LMTK3: variants seen among roughly 807,000 people sequenced by gnomAD.
The protein encoded by LMTK3 is serine/threonine-protein kinase LMTK3.
In LMTK3, 27 loss-of-function variants were observed where a neutral mutation model predicts 116.7. The observed-to-expected ratio is 0.23, with a 90% confidence interval of 0.17 to 0.32. The LOEUF (loss-of-function observed/expected upper bound fraction) is 0.32, where lower values mean the gene tolerates loss of function less well. Among genes scored for constraint, LMTK3 ranks in the 10% least tolerant of loss-of-function variants. LMTK3 has a pLI of 1.00. For missense variants in LMTK3, 1,764 were observed against 2,068.5 expected (o/e 0.85, Z 2.86); for synonymous variants, 965 against 971.0 (o/e 0.99, Z 0.11).
At chr19:48,487,037 T>C (rs1049890690) in intron 14 of LMTK3, among the ~76,000 whole-genome samples, 5 of 150,130 alleles carry the variant, frequency 3.3e-5, no homozygotes, top group African/African-American at 1.2e-4. Flanking sequence ...GGCTATTTTT[T>C]TTTTTTTTTT....
In LMTK3 at chr19:48,500,786, A is replaced by C. The variant is rs2147549041; in HGVS notation, c.1151+210T>G. On this transcript the variant is annotated intron_variant, in intron 10 of 14. Transcript: ENST00000600059. The surrounding 1 kb of genome is among the most constrained non-coding windows in gnomAD (Gnocchi z 4.0). ...AAGAAGCAGGGACCTCTTAGGGTGA[A>C]GTGGGTTCAAATCACAGCTCTGCCA... Among the ~76,000 whole-genome samples the C allele has an allele frequency of 6.6e-6, 1 of 152,268 alleles. No homozygotes were observed. The highest frequency in any genetic ancestry group is 1.5e-5 in the Non-Finnish European group (1 of 68,004).
At chr19:48,492,979 C>A (rs1318701711) in intron 12 of LMTK3, among the ~76,000 whole-genome samples, 3 of 151,620 alleles carry the variant, frequency 2.0e-5, no homozygotes, top group Admixed American at 2.0e-4. Context: ...TCTTCCTAGT[C>A]CCGCCCCATT....
At chr19:48,489,019 G>A (rs918109499) in intron 14 of LMTK3, among the ~76,000 whole-genome samples, 4 of 152,178 alleles carry the variant, frequency 2.6e-5, no homozygotes, top group South Asian at 4.1e-4. Context: ...GCTTACAGGC[G>A]TAAGCCACTG....
At chr19:48,510,674 T>G (rs1972642481) in intron 1 of LMTK3, 82 bp from the exon 2 acceptor site, 1 of 1,421,872 alleles carries the variant, frequency 7.0e-7, no homozygotes, top group Non-Finnish European at 9.3e-7. Flanking sequence ...CCGGCACGTC[T>G]TGGACTACAA....
In LMTK3 at chr19:48,510,610, G is replaced by C. The variant is rs1972640750; in HGVS notation, c.77-18C>G. The stretch of plus-strand genomic sequence containing the variant: ...GAATCCATCTGTGGGCACAGGGCTG[G>C]GCTGGGGTCCCAGCTTCAAGTCCCT... On this transcript the variant is annotated intron_variant, in intron 1 of 14. Coordinates refer to ENST00000600059, the MANE Select transcript of LMTK3 (RefSeq NM_001388485.1). 1 of 1,531,834 alleles carries C rather than the reference G, an allele frequency of 6.5e-7. No individual in the cohort carries two copies. Among genetic ancestry groups the C allele is most frequent in the Admixed American group, 2.4e-5 (1 of 41,344 alleles). 94.9% of individuals were successfully genotyped at this position (1,531,834 alleles called of 1,614,324 possible).
chr19:48,502,480 C>A lies in LMTK3; in HGVS notation c.747G>T (p.Glu249Asp). Residue 249 changes from glutamate to aspartate, a missense_variant, in exon 7 of 15, where the codon GAG (glutamate) becomes GAT (aspartate). Physicochemically the swap from Glu to Asp is conservative, Grantham distance 45. Transcript: ENST00000600059. ...DLRTLQRMGL[E>D]IARGLAHLHS... ...GCAGGTGCGCCAGCCCGCGGGCGAT[C>A]TCCAGGCCCATCCTCTGCAGCGTCC... is the stretch of plus-strand genomic sequence containing the variant. 6.2e-7 allele frequency: 1 copy of A among 1,611,476 alleles called. No individual in the cohort carries two copies. The highest frequency in any genetic ancestry group is 8.5e-7 in the Non-Finnish European group (1 of 1,179,224).
chr19:48,508,053 G>T (rs886243453), intron 5 of LMTK3, among the ~76,000 whole-genome samples: 5 of 152,140 alleles, frequency 3.3e-5, no homozygotes, highest in Non-Finnish European at 5.9e-5. Context: ...ATATAGCAAG[G>T]TCCGATGCGC....
At chr19:48,512,331 C>T (rs1269599472), upstream of LMTK3, among the ~76,000 whole-genome samples, 1 of 152,068 alleles carries the variant, frequency 6.6e-6, no homozygotes, top group African/African-American at 2.4e-5. Context: ...CACCCGGCCA[C>T]GCAGGAACGT....
Position 48,498,715 on chromosome 19 carries a change from G to A in LMTK3, c.2354C>T (p.Ser785Leu). The A allele has an allele frequency of 5.2e-6, 8 of 1,531,766 alleles. No homozygotes were observed. The highest frequency in any genetic ancestry group is 6.1e-6 in the Non-Finnish European group (7 of 1,144,628). 94.9% of individuals were successfully genotyped at this position (1,531,766 alleles called of 1,614,324 possible). The stretch of plus-strand genomic sequence containing the variant: ...GCTGTCCCCCGGCTTGGGGCCCGGC[G>A]ACGAGAGGCCTGAACCGGGACTGGC... Reference protein sequence around the residue: ...AVASPGSGLSSPGPKPGDSGY... With the variant: ...AVASPGSGLSLPGPKPGDSGY... The change falls in exon 11 of 15, where the codon TCG (serine) becomes TTG (leucine). Residue 785 changes from serine (S) to leucine (L), a missense_variant. By Grantham distance (145) the Ser-to-Leu change is moderately radical (BLOSUM62 -2). Transcript: ENST00000600059.
rs751938641 is a variant in LMTK3 at position 48,497,875 on chromosome 19, C to A, written c.3194G>T (p.Arg1065Leu). The change falls in exon 11 of 15, where the codon CGG becomes CTG. Residue 1065 changes from arginine to leucine, a missense_variant. Physicochemically the swap from Arg to Leu is moderately radical, Grantham distance 102. This residue lies in a region of LMTK3 where 1,028 missense variants were observed against 1,050.6 expected (regional missense o/e 0.98). Transcript: ENST00000600059. This position sits in a 1 kb window ranked among gnomAD's most constrained non-coding sequence, Gnocchi z 5.7. ...GCCAGGGGCTGTCTCCCCGCCGTTC[C>A]GGGAGGAGACCACTGCGCTGGGTGC... The part of the protein sequence containing the change: ...APAPSAVVSS[R>L]NGGETAPGPL... 2.1e-6 allele frequency: 3 copies of A among 1,446,524 alleles called. No individual in the cohort carries two copies. Among genetic ancestry groups the A allele is most frequent in the Admixed American group, 5.6e-5 (2 of 35,444 alleles). The allele number at this position is 1,446,524 out of a possible 1,614,324, so 89.6% of individuals were successfully genotyped here.
At chr19:48,508,143 G>C (rs1190081611) in intron 5 of LMTK3, among the ~76,000 whole-genome samples, 3 of 152,106 alleles carry the variant, frequency 2.0e-5, no homozygotes, top group Non-Finnish European at 4.4e-5. Flanking sequence ...TTGGAAGGAA[G>C]GGACAGTGTC....
rs929723299 is a variant in LMTK3, at chr19:48,498,880, G to A, written c.2189C>T (p.Pro730Leu). 8 of 1,210,520 alleles carry A rather than the reference G, an allele frequency of 6.6e-6. No homozygotes were observed. Among genetic ancestry groups the A allele is most frequent in the Non-Finnish European group, 8.4e-6 (8 of 951,748 alleles). The allele number at this position is 1,210,520 out of a possible 1,614,324, so 75.0% of individuals were successfully genotyped here. The change falls in exon 11 of 15, where the codon CCC (proline) becomes CTC (leucine). Residue 730 changes from proline (P) to leucine (L), a missense_variant. Coordinates refer to ENST00000600059, the MANE Select transcript of LMTK3 (RefSeq NM_001388485.1). ...LPMAPPASAPPEFLDPLMGAA... is the reference protein window; with the variant it reads ...LPMAPPASAPLEFLDPLMGAA... Reference sequence around the variant, plus strand: ...CCCCATGAGGGGGTCCAGAAACTCGGGGGGGGCCGAGGCGGGGGGGGCCAT... The same window carrying A: ...CCCCATGAGGGGGTCCAGAAACTCGAGGGGGGCCGAGGCGGGGGGGGCCAT...
Position 48,498,747 on chromosome 19 carries a change from C to G in LMTK3, c.2322G>C (p.Ser774=), listed in dbSNP as rs757885078. 46 of 1,490,576 alleles carry G rather than the reference C, an allele frequency of 3.1e-5. No homozygotes were observed. In the East Asian group the frequency reaches 1.2e-3, roughly 39 times the overall value. 92.3% of individuals were successfully genotyped at this position (1,490,576 alleles called of 1,614,324 possible). A position where few individuals can be genotyped will look rare whatever the true frequency, so the allele number is the denominator to read the frequency against. ...GGCCTGAACCGGGACTGGCCACGGC[C>G]GAAGGGGGGTCGGGGGACGCGGCCG... ...ADPAASPDPP[S]AVASPGSGLS... The change falls in exon 11 of 15, where the codon TCG becomes TCC. Residue 774 remains serine (S), a synonymous_variant. Transcript: ENST00000600059.
intron 12 of LMTK3, among the ~76,000 whole-genome samples, chr19:48,492,298 C>A (rs1347269452): frequency 6.6e-6 from 1 of 152,206 alleles, no homozygotes; most frequent in African/African-American, 2.4e-5. Flanking sequence ...AAGCGATCCT[C>A]CCACCTGAGC....
intron 14 of LMTK3, among the ~76,000 whole-genome samples, chr19:48,486,187 G>A (rs1339784163): frequency 2.8e-5 from 4 of 143,474 alleles, no homozygotes; most frequent in Non-Finnish European, 3.0e-5. Flanking sequence ...AGCCTCCCAA[G>A]TAGCTGGGAC....
At chr19:48,486,091 G>T (rs1188726209) in intron 14 of LMTK3, among the ~76,000 whole-genome samples, 1 of 103,582 alleles carries the variant, frequency 9.7e-6, no homozygotes, top group Non-Finnish European at 1.7e-5. Context: ...ACGGAGTCTC[G>T]CTCTGTCGCC....
chr19:48,491,351 C>A lies in LMTK3; in HGVS notation c.4228+53G>T. On this transcript the variant is annotated intron_variant, in intron 13 of 14. Transcript: ENST00000600059. This position sits in a 1 kb window ranked among gnomAD's most constrained non-coding sequence, Gnocchi z 5.1. ...GCCCCTCCCACCCCATAGACCCCGC[C>A]CCGTCCGCCCCATGGCTCCCGCCCC... 7.4e-7 allele frequency: 1 copy of A among 1,350,832 alleles called. No homozygotes were observed. The highest frequency in any genetic ancestry group is 9.5e-7 in the Non-Finnish European group (1 of 1,048,088). The allele number at this position is 1,350,832 out of a possible 1,614,324, so 83.7% of individuals were successfully genotyped here. A position where few individuals can be genotyped will look rare whatever the true frequency, so the allele number is the denominator to read the frequency against.
chr19:48,501,663 C>G, intron 7 of LMTK3, 101 bp from the exon 8 acceptor site: 4 of 1,149,568 alleles, frequency 3.5e-6, no homozygotes, highest in Non-Finnish European at 5.0e-6. Context: ...GACCCTGCCC[C>G]GCCACACTGA....
intron 11 of LMTK3, among the ~76,000 whole-genome samples, chr19:48,495,457 T>C (rs1202535906): frequency 6.6e-6 from 1 of 152,220 alleles, no homozygotes; most frequent in Non-Finnish European, 1.5e-5. Flanking sequence ...ATTCTCTGCC[T>C]CTTTTCACCC....
Sources: gnomAD v4.1 joint callset for allele counts (sites outside exome capture counted in the v4.1 genomes callset) on GRCh38, gnomAD v4.1.1 for gene constraint, gnomAD v4.1.1 regional missense constraint, Gnocchi (gnomAD v3.1) non-coding constraint, MANE v1.5 for transcripts, NCBI Gene and HGNC (gene_info 2026-07-23, HGNC 2026-07-21) for gene names.